CC2D2A: variants seen among roughly 807,000 people sequenced by gnomAD.
The protein encoded by CC2D2A is coiled-coil and C2 domain containing 2A.
A neutral mutation model predicts 212.9 loss-of-function variants in CC2D2A; 155 were observed. The observed-to-expected ratio is 0.73, with a 90% confidence interval of 0.64 to 0.83. The LOEUF (loss-of-function observed/expected upper bound fraction) is 0.83. Among genes scored for constraint, CC2D2A ranks in the 40% least tolerant of loss-of-function variants. CC2D2A has a pLI of 0.00. For missense variants in CC2D2A, 1,856 were observed against 1,956.2 expected, an observed-to-expected ratio of 0.95 and a Z score of 0.97; for synonymous variants, 667 against 686.5, an observed-to-expected ratio of 0.97 and a Z score of 0.44.
At chr4:15,547,362 G>T (rs56089642) in intron 17 of CC2D2A, among the ~76,000 whole-genome samples, 11,421 of 152,114 alleles carry the variant, frequency 0.075, 550 homozygotes, top group Non-Finnish European at 0.11. Context: ...GTAAGTTATT[G>T]TTAACTATAG....
At chr4:15,488,657 G>A (rs1412676805) in intron 4 of CC2D2A, among the ~76,000 whole-genome samples, 1 of 152,160 alleles carries the variant, frequency 6.6e-6, no homozygotes, top group Non-Finnish European at 1.5e-5. Context: ...AACTTCTCAT[G>A]AGTCTAGGCT....
chr4:15,560,602 A>G lies in CC2D2A; in HGVS notation c.2994A>G (p.Glu998=), dbSNP rs1044670589. Residue 998 remains glutamate, a synonymous_variant, in exon 23 of 37, where the codon GAA becomes GAG. Coordinates refer to ENST00000424120, the MANE Select transcript of CC2D2A (RefSeq NM_001378615.1). ...QYFLLADMIV[E]EEVPNISILG... is the part of the protein sequence containing the mutation. The stretch of plus-strand genomic sequence containing the variant: ...TTCTTCTTGCTGATATGATAGTAGA[A>G]GAAGAAGTTCCCAATATCAGGTAAA... 6.2e-6 allele frequency: 9 copies of G among 1,461,614 alleles called. No homozygotes were observed. Among genetic ancestry groups the G allele is most frequent in the Middle Eastern group, 1.8e-4 (1 of 5,550 alleles). 90.5% of individuals were successfully genotyped at this position (1,461,614 alleles called of 1,614,324 possible).
intron 4 of CC2D2A, among the ~76,000 whole-genome samples, chr4:15,485,095 CAT>C (rs1245772665): frequency 6.6e-6 from 1 of 152,190 alleles, no homozygotes; most frequent in Non-Finnish European, 1.5e-5. Flanking sequence ...GCTTGATAAA[CAT>C]ATATTGAAAA....
chr4:15,494,713 T>C (rs1016491262), intron 4 of CC2D2A, among the ~76,000 whole-genome samples: 2 of 152,214 alleles, frequency 1.3e-5, no homozygotes, highest in African/African-American at 4.8e-5. Context: ...TAGCATTAAT[T>C]GTGGCTTAAA....
At position 15,478,717 on chromosome 4, in the gene CC2D2A, A is replaced by C; in HGVS notation, c.40-6A>C. ...AAGATTCTCTCCCTTTTGCATTTTC[A>C]CAAAGGAGTTCATTGAAAATGATGA... On this transcript the variant is annotated splice_polypyrimidine_tract_variant and splice_region_variant and intron_variant, in intron 2 of 36. Transcript: ENST00000424120. 6.4e-7 allele frequency: 1 copy of C among 1,550,820 alleles called. No individual in the cohort carries two copies. Among genetic ancestry groups the C allele is most frequent in the Non-Finnish European group, 8.7e-7 (1 of 1,146,300 alleles).
chr4:15,542,126 C>A (rs1348366562), intron 17 of CC2D2A, among the ~76,000 whole-genome samples: 3 of 152,140 alleles, frequency 2.0e-5, no homozygotes, highest in Non-Finnish European at 4.4e-5. Context: ...AGGGCCCACC[C>A]TAATCTAATA....
At chr4:15,551,087 C>A in intron 18 of CC2D2A, 107 bp downstream of exon 18, 2 of 1,019,502 alleles carry the variant, frequency 2.0e-6, no homozygotes, top group Non-Finnish European at 2.7e-6. Context: ...AAATTGATAT[C>A]AAAAATTCAA....
rs1577340730 is a variant in CC2D2A at position 15,516,114 on chromosome 4, T to C, written c.1017+110T>C. ...CACTGTACTCATTTCCTCTTGAGGT[T>C]ATCCACAGAAAGTGGTTCATTTTTT... On this transcript the variant is annotated intron_variant, in intron 10 of 36. Transcript: ENST00000424120. 5.2e-6 allele frequency: 6 copies of C among 1,164,308 alleles called. No individual in the cohort carries two copies. The East Asian group carries it at 8.4e-5, about 16-fold the overall frequency. 72.1% of individuals were successfully genotyped at this position (1,164,308 alleles called of 1,614,324 possible).
At chr4:15,492,771 A>G in intron 4 of CC2D2A, 2 of 738,272 alleles carry the variant, frequency 2.7e-6, no homozygotes, top group Non-Finnish European at 4.7e-6. Flanking sequence ...CTCTATTGCT[A>G]TAGCCAAATT....
In CC2D2A at chr4:15,473,587, G is replaced by C. The variant is rs1470508275; in HGVS notation, c.-18-2328G>C. Among the ~76,000 whole-genome samples the C allele has an allele frequency of 4.6e-5, 7 of 152,324 alleles. No homozygotes were observed. The East Asian group carries it at 1.4e-3, about 29-fold the overall frequency. On this transcript the variant is annotated intron_variant, in intron 1 of 36. Transcript: ENST00000424120. ...CAAAGGGAAATCATTGGAGGATTTT[G>C]AGTGAAGCAATGTGATTATGTCACT... is the stretch of plus-strand genomic sequence containing the variant.
At chr4:15,475,515 T>C (rs1461717334) in intron 1 of CC2D2A, among the ~76,000 whole-genome samples, 1 of 152,020 alleles carries the variant, frequency 6.6e-6, no homozygotes, top group African/African-American at 2.4e-5. Flanking sequence ...TGGCGGTGGC[T>C]CCATGTGGTG....
chr4:15,595,511 T>C (rs557338637), intron 33 of CC2D2A, among the ~76,000 whole-genome samples: 1 of 152,338 alleles, frequency 6.6e-6, no homozygotes, highest in Non-Finnish European at 1.5e-5. Context: ...AACTCAACCT[T>C]GAGGTAGATA....
In CC2D2A at chr4:15,601,452, T is replaced by C. The variant is rs754071931; in HGVS notation, c.*27T>C. ...TTTTTTCACTGTACTTTCTGTATCA[T>C]GTAAAAACTACACTTAGGATATGAG... is the stretch of plus-strand genomic sequence containing the variant. On this transcript the variant is annotated 3_prime_UTR_variant, in exon 37 of 37. Coordinates refer to ENST00000424120, the MANE Select transcript of CC2D2A (RefSeq NM_001378615.1). The C allele has an allele frequency of 1.3e-5, 17 of 1,357,084 alleles. No homozygotes were observed. The Admixed American group carries it at 1.8e-4, about 15-fold the overall frequency. 84.1% of individuals were successfully genotyped at this position (1,357,084 alleles called of 1,614,324 possible).
At chr4:15,501,434 T>A (rs1715946276) in intron 4 of CC2D2A, among the ~76,000 whole-genome samples, 1 of 152,010 alleles carries the variant, frequency 6.6e-6, no homozygotes, top group Non-Finnish European at 1.5e-5. Context: ...ATTCATGTCC[T>A]CCTCCCTGCA....
chr4:15,495,669 T>G (rs1045102782), intron 4 of CC2D2A, among the ~76,000 whole-genome samples: 1 of 152,204 alleles, frequency 6.6e-6, no homozygotes, highest in Non-Finnish European at 1.5e-5. Flanking sequence ...GTATTTGCTA[T>G]TGTGAATAGT....
At chr4:15,517,631 A>G (rs1300412216) in intron 11 of CC2D2A, among the ~76,000 whole-genome samples, 2 of 152,190 alleles carry the variant, frequency 1.3e-5, no homozygotes, top group Admixed American at 6.5e-5. Flanking sequence ...GGTAATCCAC[A>G]TAAGTGTCTA....
intron 4 of CC2D2A, chr4:15,481,945 C>A (rs1428018211): frequency 8.1e-6 from 8 of 985,260 alleles, no homozygotes; most frequent in Non-Finnish European, 9.6e-6. Flanking sequence ...TATACTTCTC[C>A]CCCTACACAC....
intron 18 of CC2D2A, 66 bp from the exon 19 acceptor site, chr4:15,553,092 T>G: frequency 6.9e-7 from 1 of 1,444,848 alleles, no homozygotes; most frequent in African/African-American, 1.5e-5. Context: ...CTATCTGCTT[T>G]CTTGCCAGGA....
intron 4 of CC2D2A, among the ~76,000 whole-genome samples, chr4:15,488,167 AG>A (rs1401489487): frequency 6.6e-6 from 1 of 152,102 alleles, no homozygotes; most frequent in Non-Finnish European, 1.5e-5. Context: ...TTATACCTTC[AG>A]ATTTCTTATT....
Sources: allele counts gnomAD v4.1 joint callset (sites outside exome capture counted in the v4.1 genomes callset), GRCh38; gene constraint gnomAD v4.1.1; transcripts MANE v1.5; gene names NCBI Gene and HGNC (gene_info 2026-07-23, HGNC 2026-07-21).